AKAP6: variants seen among roughly 807,000 people sequenced by gnomAD.
The protein encoded by AKAP6 is A-kinase anchor protein 6.
In AKAP6, 58 loss-of-function variants were observed where a neutral mutation model predicts 188.5. The observed-to-expected ratio is 0.31, with a 90% CI of 0.25 to 0.38. The LOEUF is 0.38. Ranked by LOEUF, AKAP6 falls within the 10% of genes least tolerant of loss-of-function variation. AKAP6 has a pLI of 1.00. For missense variants in AKAP6, 2,710 were observed against 2,740.0 expected (o/e 0.99, Z 0.24); for synonymous variants, 989 against 998.6 (o/e 0.99, Z 0.18).
intron 2 of AKAP6, among the ~76,000 whole-genome samples, chr14:32,519,480 A>G (rs1245917985): frequency 6.6e-6 from 1 of 152,146 alleles, no homozygotes; most frequent in African/African-American, 2.4e-5. Context: ...CAAAAACTCA[A>G]AATAAAGGGA....
rs1382893339 is a variant in AKAP6 at position 32,517,917 on chromosome 14, C to T, written c.325-17637C>T. 3.3e-5 allele frequency among the ~76,000 whole-genome samples: 5 copies of T among 152,298 alleles called. No homozygotes were observed. The South Asian group carries it at 6.2e-4, about 19-fold the overall frequency. On this transcript the variant is annotated intron_variant, in intron 2 of 13. Coordinates refer to ENST00000280979, the MANE Select transcript of AKAP6 (RefSeq NM_004274.5). ...CCTCCTCAAGTGGGTCCCTGACGCC[C>T]GAGTAGCCTAACTGGGAGACACGTC...
chr14:32,769,639 C>CAA (rs140055553), intron 11 of AKAP6, among the ~76,000 whole-genome samples: 1,550 of 151,102 alleles, frequency 0.01, 28 homozygotes, highest in African/African-American at 0.036. Context: ...AATCAACCTA[C>CAA]AAAGTTAAAT....
intron 8 of AKAP6, 97 bp downstream of exon 8, chr14:32,678,556 A>G: frequency 7.0e-7 from 1 of 1,423,908 alleles, no homozygotes; most frequent in Non-Finnish European, 9.7e-7. Flanking sequence ...CTCTTTAGCA[A>G]ACCGACAAGG....
intron 2 of AKAP6, among the ~76,000 whole-genome samples, chr14:32,516,584 C>A (rs765388188): frequency 9.9e-5 from 15 of 152,070 alleles, no homozygotes; most frequent in Non-Finnish European, 1.9e-4. Flanking sequence ...CTGAAACTAT[C>A]GTATATGTAA....
At chr14:32,811,530 CT>C (rs1401473736) in intron 12 of AKAP6, among the ~76,000 whole-genome samples, 1 of 152,122 alleles carries the variant, frequency 6.6e-6, no homozygotes, top group Admixed American at 6.6e-5. Flanking sequence ...ACAACTGTAA[CT>C]ATGGGTCAGA....
chr14:32,596,227 G>A (rs565031761), intron 5 of AKAP6, among the ~76,000 whole-genome samples: 20 of 152,222 alleles, frequency 1.3e-4, no homozygotes, highest in African/African-American at 3.1e-4. Flanking sequence ...CCATCAAGGC[G>A]TATATTTCCT....
chr14:32,754,169 T>A (rs2032247053), intron 11 of AKAP6, among the ~76,000 whole-genome samples: 1 of 152,160 alleles, frequency 6.6e-6, no homozygotes, highest in African/African-American at 2.4e-5. Flanking sequence ...TTGCTTTAGA[T>A]ATAAAGGTGC....
intron 1 of AKAP6, among the ~76,000 whole-genome samples, chr14:32,414,483 G>A (rs1889592490): frequency 6.6e-6 from 1 of 152,068 alleles, no homozygotes; most frequent in Non-Finnish European, 1.5e-5. Context: ...CATGTTTCAG[G>A]AAATGATGCT....
intron 1 of AKAP6, among the ~76,000 whole-genome samples, chr14:32,340,330 G>A (rs1234217913): frequency 1.3e-5 from 2 of 152,086 alleles, no homozygotes. Flanking sequence ...ATGGTCAGTT[G>A]CAATGTACAA....
At chr14:32,353,420 G>GCGTGGTGGCGGGCGCC (rs1391742559) in intron 1 of AKAP6, among the ~76,000 whole-genome samples, 6 of 152,084 alleles carry the variant, frequency 3.9e-5, no homozygotes, top group African/African-American at 1.4e-4. Flanking sequence ...AATTAGCTGG[G>GCGTGGTGGCGGGCGCC]TGTGGTGGCG....
intron 9 of AKAP6, among the ~76,000 whole-genome samples, chr14:32,724,900 G>A (rs1387328982): frequency 6.9e-6 from 1 of 144,788 alleles, no homozygotes; most frequent in African/African-American, 2.5e-5. Context: ...CAATAGATCC[G>A]TGGGGCTTGT....
intron 2 of AKAP6, among the ~76,000 whole-genome samples, chr14:32,518,742 GA>G (rs1190037240): frequency 2.0e-5 from 3 of 152,184 alleles, no homozygotes; most frequent in Non-Finnish European, 4.4e-5. Context: ...AAGTGACGGG[GA>G]GAATGGAACC....
chr14:32,381,629 G>A (rs17098938), intron 1 of AKAP6, among the ~76,000 whole-genome samples: 31,999 of 152,124 alleles, frequency 0.21, 3,973 homozygotes, highest in East Asian at 0.6. Context: ...AGGAGACAGT[G>A]AAGTTTACAT....
chr14:32,569,332 G>C (rs776923287), intron 4 of AKAP6, among the ~76,000 whole-genome samples: 10 of 152,058 alleles, frequency 6.6e-5, no homozygotes, highest in African/African-American at 9.7e-5. Context: ...AGTTTTTTTG[G>C]TGGCATCACA....
chr14:32,705,203 T>C (rs975563152), intron 9 of AKAP6, among the ~76,000 whole-genome samples: 1 of 152,216 alleles, frequency 6.6e-6, no homozygotes, highest in Non-Finnish European at 1.5e-5. Flanking sequence ...CCATACTGCC[T>C]TTAATCCCAT....
intron 1 of AKAP6, among the ~76,000 whole-genome samples, chr14:32,354,060 T>C (rs1887392408): frequency 6.6e-6 from 1 of 152,064 alleles, no homozygotes; most frequent in South Asian, 2.1e-4. Context: ...TTCAATGCCA[T>C]CCCCATCAAG....
Position 32,836,837 on chromosome 14 carries a change from G to A in AKAP6, c.*7032G>A, listed in dbSNP as rs7142530. 61,003 of 151,946 alleles carry A rather than the reference G, an allele frequency of 0.4. 13,302 individuals are homozygous for A. Among genetic ancestry groups the A allele is most frequent in the Non-Finnish European group, 0.49 (33,540 of 67,954 alleles). 9.4% of individuals were successfully genotyped at this position (151,946 alleles called of 1,614,324 possible). The stretch of plus-strand genomic sequence containing the variant: ...ATCGTGCATTTATGTGCTGCCCCAG[G>A]TAATCCACAGGCACAAAGAACTTGA... On this transcript the variant is annotated 3_prime_UTR_variant, in exon 14 of 14. Coordinates refer to ENST00000280979, the MANE Select transcript of AKAP6 (RefSeq NM_004274.5).
chr14:32,467,212 GAA>G (rs71432058), intron 2 of AKAP6, among the ~76,000 whole-genome samples: 1 of 102,868 alleles, frequency 9.7e-6, no homozygotes, highest in Non-Finnish European at 2.2e-5. Flanking sequence ...AAGTTGGAAG[GAA>G]AAAAAAACAA....
intron 9 of AKAP6, among the ~76,000 whole-genome samples, chr14:32,710,267 T>C (rs1403445008): frequency 6.6e-6 from 1 of 151,944 alleles, no homozygotes; most frequent in Non-Finnish European, 1.5e-5. Flanking sequence ...CGTAATATAT[T>C]ATTTATGTCG....
Sources: gnomAD v4.1 joint callset for allele counts (sites outside exome capture counted in the v4.1 genomes callset) on GRCh38, gnomAD v4.1.1 for gene constraint, MANE v1.5 for transcripts, NCBI Gene and HGNC (gene_info 2026-07-23, HGNC 2026-07-21) for gene names.